NRXN1: variants seen among roughly 807,000 people sequenced by gnomAD.
NRXN1 encodes the protein neurexin-1.
Under a neutral mutation model 150.9 loss-of-function variants are expected in NRXN1, and 39 were observed. The ratio of observed to expected loss-of-function variants is 0.26; its 90% confidence interval spans 0.20 to 0.34. The LOEUF is 0.34. Among genes scored for constraint, NRXN1 ranks in the 10% least tolerant of loss-of-function variants. NRXN1 has a pLI of 1.00. For synonymous variants in NRXN1, 924 were observed against 757.0 expected, an observed-to-expected ratio of 1.22 and a Z score of -3.62; for missense variants, 1,815 against 1,949.9, an observed-to-expected ratio of 0.93 and a Z score of 1.30.
chr2:50,217,018 C>G (rs2063449013), intron 18 of NRXN1, among the ~76,000 whole-genome samples: 1 of 152,010 alleles, frequency 6.6e-6, no homozygotes, highest in African/African-American at 2.4e-5. Flanking sequence ...TTTCAAGGGT[C>G]AAAAGCAATG....
intron 18 of NRXN1, among the ~76,000 whole-genome samples, chr2:50,103,042 T>C (rs1235600408): frequency 2.6e-5 from 4 of 152,118 alleles, no homozygotes; most frequent in Non-Finnish European, 5.9e-5. Flanking sequence ...GTTGAATATA[T>C]GTAGAACCTA....
chr2:50,636,081 C>T (rs1683195993), intron 5 of NRXN1, among the ~76,000 whole-genome samples: 1 of 152,054 alleles, frequency 6.6e-6, no homozygotes, highest in African/African-American at 2.4e-5. Context: ...TATCACGATG[C>T]CCAACACCCT....
intron 18 of NRXN1, among the ~76,000 whole-genome samples, chr2:50,147,935 G>A (rs569851070): frequency 4.0e-5 from 6 of 151,734 alleles, no homozygotes; most frequent in African/African-American, 1.4e-4. Flanking sequence ...AGCTTACAAA[G>A]TCTAGATGTG....
At chr2:50,910,891 G>T (rs903194840) in intron 5 of NRXN1, among the ~76,000 whole-genome samples, 2 of 151,708 alleles carry the variant, frequency 1.3e-5, no homozygotes, top group African/African-American at 4.8e-5. Context: ...ATGTGCTAAG[G>T]GCTTCCAACT....
Position 50,553,022 on chromosome 2 carries a change from C to T in NRXN1, c.1324G>A (p.Val442Ile). The T allele has an allele frequency of 6.2e-7, 1 of 1,604,506 alleles. No homozygotes were observed. The highest frequency in any genetic ancestry group is 8.5e-7 in the Non-Finnish European group (1 of 1,175,618). The change falls in exon 9 of 23, where the codon GTA (valine) becomes ATA (isoleucine). Residue 442 changes from valine to isoleucine, a missense_variant. By Grantham distance (29) the Val-to-Ile change is conservative. Transcript: ENST00000401669. ...AGCCTCACATCATTATTTTTATATA[C>T]AACCTGTGGGCAGAGGATAGCAGTG... ...NNFMGCLKEV[V>I]YKNNDVRLEL...
intron 17 of NRXN1, among the ~76,000 whole-genome samples, chr2:50,355,657 T>C (rs1048840382): frequency 2.6e-5 from 4 of 152,324 alleles, no homozygotes; most frequent in African/African-American, 9.6e-5. Context: ...AATTGTTCTA[T>C]CAAATGTTAA....
chr2:50,279,792 G>C (rs1426513493), intron 17 of NRXN1, among the ~76,000 whole-genome samples: 1 of 152,122 alleles, frequency 6.6e-6, no homozygotes, highest in African/African-American at 2.4e-5. Flanking sequence ...AAAATATTAA[G>C]TGATTCATAA....
At chr2:50,445,552 G>A (rs541597360) in intron 17 of NRXN1, among the ~76,000 whole-genome samples, 5 of 152,236 alleles carry the variant, frequency 3.3e-5, no homozygotes, top group African/African-American at 1.2e-4. Flanking sequence ...ACTCACCTCA[G>A]CAAGACTACA....
intron 5 of NRXN1, among the ~76,000 whole-genome samples, chr2:50,722,334 C>A (rs1316106428): frequency 3.9e-4 from 60 of 151,950 alleles, no homozygotes; most frequent in Non-Finnish European, 5.9e-5. Flanking sequence ...GCACTATGAG[C>A]AGAGTACTAA....
chr2:50,003,778 T>C (rs1865490), intron 21 of NRXN1, among the ~76,000 whole-genome samples: 127,919 of 152,008 alleles, frequency 0.84, 53,910 homozygotes, highest in Middle Eastern at 0.89. Flanking sequence ...TTCCAACATT[T>C]CATGAGGAGC....
At chr2:50,528,600 T>A (rs1392238607) in intron 12 of NRXN1, 25 bp downstream of exon 12, 7 of 1,344,076 alleles carry the variant, frequency 5.2e-6, no homozygotes, top group Non-Finnish European at 7.4e-6. Context: ...GAATAACATT[T>A]TAAAAATTTT....
At chr2:50,831,493 G>C (rs1301737782) in intron 5 of NRXN1, among the ~76,000 whole-genome samples, 2 of 152,132 alleles carry the variant, frequency 1.3e-5, no homozygotes, top group African/African-American at 2.4e-5. Context: ...CTAATGAGTA[G>C]AGGGGGCTTG....
intron 18 of NRXN1, among the ~76,000 whole-genome samples, chr2:50,126,746 G>A (rs1269556092): frequency 6.6e-6 from 1 of 152,006 alleles, no homozygotes; most frequent in Non-Finnish European, 1.5e-5. Flanking sequence ...TGGAAACTAT[G>A]CATAGAAAAA....
intron 17 of NRXN1, among the ~76,000 whole-genome samples, chr2:50,406,269 G>C (rs2082744149): frequency 6.6e-6 from 1 of 151,934 alleles, no homozygotes; most frequent in South Asian, 2.1e-4. Flanking sequence ...TTTAAGAGGA[G>C]ACACAGTCAT....
intron 17 of NRXN1, 177 bp downstream of exon 17, chr2:50,465,265 C>G: frequency 2.2e-6 from 1 of 456,712 alleles, no homozygotes; most frequent in South Asian, 1.1e-4. Context: ...CAGGATTTAG[C>G]CACTTTAACA....
intron 18 of NRXN1, among the ~76,000 whole-genome samples, chr2:50,123,703 A>T (rs1704181450): frequency 6.6e-6 from 1 of 152,170 alleles, no homozygotes; most frequent in Non-Finnish European, 1.5e-5. Context: ...AATCAAGCAC[A>T]TTATGGTAGA....
chr2:50,431,347 C>A (rs1388840274), intron 17 of NRXN1, among the ~76,000 whole-genome samples: 1 of 152,090 alleles, frequency 6.6e-6, no homozygotes, highest in Non-Finnish European at 1.5e-5. Context: ...TCACCTAATC[C>A]AAGATACTTT....
chr2:50,784,144 G>C (rs1234551055), intron 5 of NRXN1, among the ~76,000 whole-genome samples: 2 of 152,136 alleles, frequency 1.3e-5, no homozygotes, highest in African/African-American at 4.8e-5. Context: ...AGACAGATTG[G>C]AAGTTTCTTC....
chr2:50,076,142 A>G (rs971324440), intron 19 of NRXN1, among the ~76,000 whole-genome samples: 3 of 152,174 alleles, frequency 2.0e-5, no homozygotes, highest in Admixed American at 2.0e-4. Context: ...ATGTCTTCAT[A>G]GTGTTTTGCT....
Sources: gnomAD v4.1 joint callset for allele counts (sites outside exome capture counted in the v4.1 genomes callset) on GRCh38, gnomAD v4.1.1 for gene constraint, MANE v1.5 for transcripts, NCBI Gene and HGNC (gene_info 2026-07-23, HGNC 2026-07-21) for gene names.